The following DHX9 variants were observed in gnomAD, a reference collection of about 807,000 sequenced individuals.
DHX9 encodes DExH-box helicase 9.
A neutral mutation model predicts 148.7 loss-of-function variants in DHX9; 27 were observed. The ratio of observed to expected loss-of-function variants is 0.18; its 90% CI spans 0.13 to 0.25. The LOEUF is 0.25. Among genes scored for constraint, DHX9 ranks in the 10% least tolerant of loss-of-function variants. The pLI, the probability that DHX9 is intolerant of heterozygous loss-of-function variation, is 1.00. For missense variants in DHX9, 796 were observed against 1,559.6 expected (o/e 0.51, Z 8.25); for synonymous variants, 529 against 516.6 (o/e 1.02, Z -0.33).
chr1:182,887,307 A>C lies in DHX9; in HGVS notation c.3686A>C (p.Asn1229Thr). Residue 1229 changes from asparagine to threonine, a missense_variant, in exon 28 of 28, where the codon AAC becomes ACC. Asn to Thr is a moderately conservative substitution (Grantham distance 65, BLOSUM62 0). This residue lies in a region of DHX9 where 98 missense variants were observed against 105.5 expected (regional missense o/e 0.93). Coordinates refer to ENST00000367549, the MANE Select transcript of DHX9 (RefSeq NM_001357.5). Reference sequence around the variant, plus strand: ...GTTTCCCGAGGTGGCTTTAGAGGCAACTCTGGAGGAGACTACAGAGGGCCT... The same window carrying C: ...GTTTCCCGAGGTGGCTTTAGAGGCACCTCTGGAGGAGACTACAGAGGGCCT... Reference protein sequence around the residue: ...RGVSRGGFRGNSGGDYRGPSG... With the variant: ...RGVSRGGFRGTSGGDYRGPSG... 1 of 1,613,992 alleles carries C rather than the reference A, an allele frequency of 6.2e-7. No individual in the cohort carries two copies. Among genetic ancestry groups the C allele is most frequent in the Non-Finnish European group, 8.5e-7 (1 of 1,179,998 alleles).
chr1:182,881,523 G>T lies in DHX9; in HGVS notation c.2790G>T (p.Met930Ile). ...SVFQAWDDAR[M>I]GGEEAEIRFC... is the part of the protein sequence containing the mutation. ...TTCTCATGCCAATTTATTTTAGAATGGGTGGAGAAGAAGCAGAGATACGTT... is the reference window on the plus strand; with the variant it reads ...TTCTCATGCCAATTTATTTTAGAATTGGTGGAGAAGAAGCAGAGATACGTT... Residue 930 changes from methionine (M) to isoleucine (I), a missense_variant, in exon 24 of 28, where the codon ATG becomes ATT. Around this residue, in one of 14 missense-constraint regions of DHX9, gnomAD observed 122 missense variants for 289.3 expected, o/e 0.42. Coordinates refer to ENST00000367549, the MANE Select transcript of DHX9 (RefSeq NM_001357.5). 1.2e-6 allele frequency: 2 copies of T among 1,611,218 alleles called. No homozygotes were observed. The highest frequency in any genetic ancestry group is 1.7e-6 in the Non-Finnish European group (2 of 1,179,158).
Position 182,852,344 on chromosome 1 carries a change from G to A in DHX9, c.364G>A (p.Glu122Lys), listed in dbSNP as rs747924941. The change falls in exon 4 of 28, where the codon GAA becomes AAA. Residue 122 changes from glutamate to lysine, a missense_variant and splice_region_variant. Glu to Lys is a moderately conservative substitution (Grantham distance 56, BLOSUM62 1). Around this residue, in one of 14 missense-constraint regions of DHX9, gnomAD observed 89 missense variants for 77.5 expected, o/e 1.15. Coordinates refer to ENST00000367549, the MANE Select transcript of DHX9 (RefSeq NM_001357.5). ...PLPPHLALKA[E>K]NNSEVGASGY... ...TCCTCCACATCTGGCTCTCAAAGCA[G>A]GTAAGGGACTTGAATCCATGCACGT... is the stretch of plus-strand genomic sequence containing the variant. 2 of 1,599,776 alleles carry A rather than the reference G, an allele frequency of 1.3e-6. No homozygotes were observed. The highest frequency in any genetic ancestry group is 1.3e-5 in the African/African-American group (1 of 74,346).
intron 26 of DHX9, among the ~76,000 whole-genome samples, chr1:182,884,235 C>A (rs1649218100): frequency 6.6e-6 from 1 of 152,108 alleles, no homozygotes; most frequent in Non-Finnish European, 1.5e-5. Flanking sequence ...CACGCCACTG[C>A]ACTCCAGCGA....
At chr1:182,851,192 GAA>G in intron 3 of DHX9, among the ~76,000 whole-genome samples, 1 of 152,120 alleles carries the variant, frequency 6.6e-6, no homozygotes, top group East Asian at 1.9e-4. Flanking sequence ...AAGCAGAAAA[GAA>G]AAAAATTCAC....
intron 14 of DHX9, among the ~76,000 whole-genome samples, chr1:182,867,380 T>C (rs16859786): frequency 0.035 from 5,254 of 152,162 alleles, 218 homozygotes; most frequent in African/African-American, 0.094. Context: ...GATTTGGAAG[T>C]TTATGATAGA....
At chr1:182,859,942 C>A in intron 11 of DHX9, 51 bp from the exon 12 acceptor site, 2 of 1,547,890 alleles carry the variant, frequency 1.3e-6, no homozygotes, top group Non-Finnish European at 1.8e-6. Flanking sequence ...AAGACAGTTG[C>A]TTCTAATGTG....
chr1:182,840,998 A>G (rs763286704), intron 1 of DHX9, among the ~76,000 whole-genome samples: 3 of 152,150 alleles, frequency 2.0e-5, no homozygotes, highest in Non-Finnish European at 4.4e-5. Flanking sequence ...TTTGGACTTT[A>G]AAGAGAAACG....
rs376133877 is a variant in DHX9 at position 182,842,576 on chromosome 1, G to A, written c.10G>A (p.Val4Ile). 3.5e-5 allele frequency: 57 copies of A among 1,612,702 alleles called. No individual in the cohort carries two copies. Among genetic ancestry groups the A allele is most frequent in the Non-Finnish European group, 4.6e-5 (54 of 1,179,186 alleles). Reference protein sequence around the residue: MGDVKNFLYAWCGK... With the variant: MGDIKNFLYAWCGK... ...AGAAGACACTTGAATCATGGGTGAC[G>A]TTAAAAATTTTCTGTATGCCTGGTG... The change falls in exon 2 of 28, where the codon GTT becomes ATT. Residue 4 changes from valine to isoleucine, a missense_variant. Physicochemically the swap from Val to Ile is conservative, Grantham distance 29 (BLOSUM62 3). Transcript: ENST00000367549.
At chr1:182,881,208 CTGCTGGCAACAACATTGTGA>C (rs1337850761) in intron 22 of DHX9, 36 bp from the exon 23 acceptor site, 4 of 1,556,566 alleles carry the variant, frequency 2.6e-6, no homozygotes, top group Non-Finnish European at 3.5e-6. Flanking sequence ...CCTACCTGAG[CTGCTGGCAACAACATTGTGA>C]TCTAGTCTGG....
In DHX9 at chr1:182,883,588, C is replaced by T. The variant is rs1285876299; in HGVS notation, c.3213C>T (p.Ala1071=). ...LVTPLQLLLF[A]SKKVQSDGQI... ...CCCCCCTGCAGTTGCTTCTCTTTGC[C>T]TCCAAGAAAGTCCAATCTGATGGGC... Residue 1071 remains alanine (A), a synonymous_variant, in exon 26 of 28, where the codon GCC becomes GCT. Coordinates refer to ENST00000367549, the MANE Select transcript of DHX9 (RefSeq NM_001357.5). 1 of 1,613,832 alleles carries T rather than the reference C, an allele frequency of 6.2e-7. No individual in the cohort carries two copies. The highest frequency in any genetic ancestry group is 1.1e-5 in the South Asian group (1 of 91,056).
intron 24 of DHX9, among the ~76,000 whole-genome samples, chr1:182,882,350 C>T (rs1404077624): frequency 6.6e-6 from 1 of 152,190 alleles, no homozygotes; most frequent in African/African-American, 2.4e-5. Context: ...CAAAATATGT[C>T]TGTGCTTTCA....
intron 12 of DHX9, among the ~76,000 whole-genome samples, chr1:182,860,468 A>G (rs552707897): frequency 6.6e-6 from 1 of 152,314 alleles, no homozygotes; most frequent in South Asian, 2.1e-4. Context: ...CCTAAAGTTC[A>G]TCCAAATCTT....
At chr1:182,871,603 A>G (rs1375207846) in intron 14 of DHX9, among the ~76,000 whole-genome samples, 2 of 152,224 alleles carry the variant, frequency 1.3e-5, no homozygotes, top group Non-Finnish European at 2.9e-5. Context: ...AAATGTTCAC[A>G]TTAGTAAATC....
chr1:182,879,352 C>A lies in DHX9; in HGVS notation c.2454C>A (p.Ala818=). Residue 818 remains alanine (A), a synonymous_variant, in exon 21 of 28, where the codon GCC becomes GCA. Coordinates refer to ENST00000367549, the MANE Select transcript of DHX9 (RefSeq NM_001357.5). ...LRLGGIGQFL[A]KAIEPPPLDA... is the part of the protein sequence containing the mutation. ...TAGGAGGAATTGGCCAATTTCTGGC[C>A]AAAGCAATTGAACCTCCCCCTTTGG... 6.5e-7 allele frequency: 1 copy of A among 1,536,394 alleles called. No individual in the cohort carries two copies. The highest frequency in any genetic ancestry group is 8.9e-7 in the Non-Finnish European group (1 of 1,124,778).
intron 12 of DHX9, among the ~76,000 whole-genome samples, chr1:182,861,435 C>T (rs1668361896): frequency 6.6e-6 from 1 of 152,204 alleles, no homozygotes; most frequent in Non-Finnish European, 1.5e-5. Flanking sequence ...ATTCTTACCT[C>T]ATCTTTCAGG....
At chr1:182,879,609 A>G (rs757244033) in intron 21 of DHX9, among the ~76,000 whole-genome samples, 199 bp downstream of exon 21, 2 of 152,248 alleles carry the variant, frequency 1.3e-5, no homozygotes, top group Non-Finnish European at 2.9e-5. Flanking sequence ...GAAGAAAGGG[A>G]CAATGTGAGT....
At chr1:182,859,682 G>A (rs1031767083) in intron 11 of DHX9, among the ~76,000 whole-genome samples, 3 of 151,980 alleles carry the variant, frequency 2.0e-5, no homozygotes, top group African/African-American at 4.8e-5. Context: ...GCTCAGTCTC[G>A]GCTCACTGCA....
chr1:182,841,049 C>A (rs1463241679), intron 1 of DHX9, among the ~76,000 whole-genome samples: 1 of 151,986 alleles, frequency 6.6e-6, no homozygotes, highest in South Asian at 2.1e-4. Context: ...TCCAGCACTT[C>A]GGGAGGTTGA....
chr1:182,874,805 C>A, intron 15 of DHX9, 49 bp from the exon 16 acceptor site: 1 of 1,364,436 alleles, frequency 7.3e-7, no homozygotes, highest in South Asian at 1.2e-5. Context: ...TAGGTCTGCT[C>A]CATTGTGAAA....
Sources: gnomAD v4.1 joint callset for allele counts (sites outside exome capture counted in the v4.1 genomes callset) on GRCh38, gnomAD v4.1.1 for gene constraint, gnomAD v4.1.1 regional missense constraint, MANE v1.5 for transcripts, NCBI Gene and HGNC (gene_info 2026-07-23, HGNC 2026-07-21) for gene names.